Variants in MDN1 observed in about 807,000 individuals in gnomAD.
The protein encoded by MDN1 is midasin.
Under a neutral mutation model 669.2 loss-of-function variants are expected in MDN1, and 266 were observed. The observed-to-expected ratio is 0.40, with a 90% CI of 0.36 to 0.44. MDN1 has a LOEUF of 0.44. MDN1 is among the 20% of genes least tolerant of loss of function. The probability of loss-of-function intolerance (pLI) is 1.00; values close to 1 mark genes in which losing one functional copy is unlikely to be tolerated. For missense variants in MDN1, 5,940 were observed against 6,754.0 expected (o/e 0.88, Z 4.22); for synonymous variants, 2,385 against 2,457.1 (o/e 0.97, Z 0.87).
chr6:89,734,846 C>G (rs1206604078), intron 33 of MDN1, among the ~76,000 whole-genome samples: 1 of 151,396 alleles, frequency 6.6e-6, no homozygotes, highest in Non-Finnish European at 1.5e-5. Flanking sequence ...CTTATCTCCA[C>G]TTTTAGAATA....
chr6:89,661,808 A>G (rs896622493), intron 87 of MDN1, among the ~76,000 whole-genome samples: 2 of 152,166 alleles, frequency 1.3e-5, no homozygotes, highest in Non-Finnish European at 2.9e-5. Flanking sequence ...ATGTTACTTA[A>G]TCTCGAAGAA....
rs761471330 is a variant in MDN1, at chr6:89,655,907, C to G, written c.15347G>C (p.Arg5116Pro). ...NERSMGDHNE[R>P]VHKRLRTVDT... ...CACAGTCCTCAGCCTCTTGTGCACA[C>G]GCTCATTGTGATCACCCATGGAACG... The change falls in exon 92 of 102, where the codon CGT becomes CCT. Residue 5116 changes from arginine to proline, a missense_variant. Transcript: ENST00000369393. 1 of 1,614,140 alleles carries G rather than the reference C, an allele frequency of 6.2e-7. No homozygotes were observed. Among genetic ancestry groups the G allele is most frequent in the East Asian group, 2.2e-5 (1 of 44,888 alleles).
chr6:89,688,563 G>T lies in MDN1; in HGVS notation c.11259+10C>A, dbSNP rs778355408. The T allele has an allele frequency of 1.9e-6, 3 of 1,610,108 alleles. No homozygotes were observed. The highest frequency in any genetic ancestry group is 3.3e-5 in the Admixed American group (2 of 59,878). ...TACTGTGAGCACTCCTTCCTCAACA[G>T]CTGCCCTACCTGTTCAAGCGCTGGG... On this transcript the variant is annotated intron_variant, in intron 66 of 101. Transcript: ENST00000369393.
chr6:89,730,862 T>A lies in MDN1; in HGVS notation c.5004A>T (p.Leu1668=), dbSNP rs376605987. The part of the protein sequence containing the change: ...LLARKECLKF[L]IKRLAKIVRL... ...GTACTATCTTGGCAAGCCTCTTGAT[T>A]AGAAATTTCAGACATTCTTTTCGTG... is the stretch of plus-strand genomic sequence containing the variant. The change falls in exon 35 of 102, where the codon CTA becomes CTT. Residue 1668 remains leucine, a synonymous_variant. Coordinates refer to ENST00000369393, the MANE Select transcript of MDN1 (RefSeq NM_014611.3). 74 of 1,613,978 alleles carry A rather than the reference T, an allele frequency of 4.6e-5. No individual in the cohort carries two copies. The highest frequency in any genetic ancestry group is 3.3e-4 in the Middle Eastern group (2 of 6,084).
Position 89,645,090 on chromosome 6 carries a change from G to C in MDN1, c.16527C>G (p.Val5509=). The change falls in exon 101 of 102, where the codon GTC becomes GTG. Residue 5509 remains valine, a synonymous_variant. Coordinates refer to ENST00000369393, the MANE Select transcript of MDN1 (RefSeq NM_014611.3). Reference sequence around the variant, plus strand: ...TCCGGGCAGCCTGAACTGCTGCCAGGACTCTTTCTTTGCCCTCAAGGAAAA... The same window carrying C: ...TCCGGGCAGCCTGAACTGCTGCCAGCACTCTTTCTTTGCCCTCAAGGAAAA... ...RGLFLEGKER[V]LAAVQAARNA... is the part of the protein sequence containing the mutation. 1.2e-6 allele frequency: 2 copies of C among 1,612,394 alleles called. No individual in the cohort carries two copies. The highest frequency in any genetic ancestry group is 1.3e-5 in the African/African-American group (1 of 75,042).
rs1233742693 is a variant in MDN1, at chr6:89,643,880, A to C, written c.*125T>G. Reference sequence around the variant, plus strand: ...GCCAGAGAGCATTCTGTAGGCTGTAAGATCACGTTGTAAAATAAAAATATT... The same window carrying C: ...GCCAGAGAGCATTCTGTAGGCTGTACGATCACGTTGTAAAATAAAAATATT... On this transcript the variant is annotated 3_prime_UTR_variant, in exon 102 of 102. Transcript: ENST00000369393. 2.3e-6 allele frequency: 2 copies of C among 864,922 alleles called. No individual in the cohort carries two copies. Among genetic ancestry groups the C allele is most frequent in the East Asian group, 2.9e-5 (1 of 34,870 alleles). The allele number at this position is 864,922 out of a possible 1,614,324, so 53.6% of individuals were successfully genotyped here.
rs536237990 is a variant in MDN1, at chr6:89,760,554, T to C, written c.2460+1091A>G. ...CTGTTCATTGCACCACTATGCACAA[T>C]AGTCAAGATATAGAATCAACCTATG... On this transcript the variant is annotated intron_variant, in intron 17 of 101. Transcript: ENST00000369393. Among the ~76,000 whole-genome samples, 5 of 152,200 alleles carry C rather than the reference T, an allele frequency of 3.3e-5. No homozygotes were observed. In the South Asian group the frequency reaches 8.3e-4, roughly 25 times the overall value.
chr6:89,756,217 G>A (rs953570555), intron 20 of MDN1, 60 bp downstream of exon 20: 19 of 743,592 alleles, frequency 2.6e-5, no homozygotes, highest in Middle Eastern at 2.5e-4. Flanking sequence ...GTGTGTGCAC[G>A]AGTAGCACAT....
chr6:89,785,077 T>C lies in MDN1; in HGVS notation c.1384A>G (p.Thr462Ala), dbSNP rs773142380. Residue 462 changes from threonine to alanine, a missense_variant, in exon 9 of 102, where the codon ACT becomes GCT. By Grantham distance (58) the Thr-to-Ala change is moderately conservative (BLOSUM62 0). Around this residue, in one of 5 missense-constraint regions of MDN1, gnomAD observed 1,203 missense variants for 1,268.9 expected, o/e 0.95. Transcript: ENST00000369393. ...TTGGTCCAATATTTGTCTAGCAAAG[T>C]AGCATGACTGTTTAGCGGTCGATAC... Reference protein sequence around the residue: ...NWYRPLNSHATLLDKYWTKIH... With the variant: ...NWYRPLNSHAALLDKYWTKIH... 5 of 1,614,052 alleles carry C rather than the reference T, an allele frequency of 3.1e-6. No homozygotes were observed. The Admixed American group carries it at 5.0e-5, about 16-fold the overall frequency.
Position 89,662,846 on chromosome 6 carries a change from TTCC to T in MDN1, c.14355_14357del (p.Glu4786del), listed in dbSNP as rs575474661. 7,588 of 1,611,004 alleles carry T rather than the reference TTCC, an allele frequency of 4.7e-3. 24 individuals are homozygous for T. The highest frequency in any genetic ancestry group is 5.9e-3 in the Non-Finnish European group (6,893 of 1,177,090). On this transcript the variant is annotated inframe_deletion, in exon 86 of 102. Coordinates refer to ENST00000369393, the MANE Select transcript of MDN1 (RefSeq NM_014611.3). ...TTTTATTGTCTTCTTCCTCCTCATCTTCCTCCTCATCATCATCACCCCAAAGCC... is the reference window on the plus strand; with the variant it reads ...TTTTATTGTCTTCTTCCTCCTCATCTTCCTCATCATCATCACCCCAAAGCC...
chr6:89,645,226 A>AC, intron 100 of MDN1, 69 bp from the exon 101 acceptor site: 1 of 1,491,408 alleles, frequency 6.7e-7, no homozygotes, highest in East Asian at 2.3e-5. Context: ...ACAACTACCC[A>AC]AAGTAGGACA....
In MDN1 at chr6:89,771,756, T is replaced by C. The variant is rs1020232460; in HGVS notation, c.2084-135A>G. The C allele has an allele frequency of 2.6e-5, 18 of 701,222 alleles. No homozygotes were observed. In the Admixed American group the frequency reaches 5.0e-4, roughly 20 times the overall value. 43.4% of individuals were successfully genotyped at this position (701,222 alleles called of 1,614,324 possible). On this transcript the variant is annotated intron_variant, in intron 14 of 101. Coordinates refer to ENST00000369393, the MANE Select transcript of MDN1 (RefSeq NM_014611.3). ...CAGAGTCTTGTTCTGTCAACCAGGG[T>C]GGAGTGCAGTGGCCCAATCATGGCT...
Position 89,704,313 on chromosome 6 carries a change from G to A in MDN1, c.8148+1746C>T, listed in dbSNP as rs990178063. On this transcript the variant is annotated intron_variant, in intron 53 of 101. Transcript: ENST00000369393. ...GGAGAATTGCTTCAACCTAGGAGGC[G>A]GAGGTTGGCAATGAGCTGAGATCAC... Among the ~76,000 whole-genome samples the A allele has an allele frequency of 3.3e-5, 5 of 152,248 alleles. No individual in the cohort carries two copies. The East Asian group carries it at 7.7e-4, about 24-fold the overall frequency.
chr6:89,766,422 A>G (rs766791163), intron 15 of MDN1, among the ~76,000 whole-genome samples: 68 of 152,372 alleles, frequency 4.5e-4, no homozygotes, highest in Non-Finnish European at 5.7e-4. Flanking sequence ...AAGAATAAAC[A>G]AAACAAAATC....
At chr6:89,788,625 T>C (rs1819092285) in intron 7 of MDN1, among the ~76,000 whole-genome samples, 1 of 152,208 alleles carries the variant, frequency 6.6e-6, no homozygotes, top group African/African-American at 2.4e-5. Context: ...TTTGAACTTT[T>C]TCATAAGAGT....
chr6:89,696,167 A>G (rs562205638), intron 60 of MDN1, among the ~76,000 whole-genome samples, 175 bp from the exon 61 acceptor site: 1 of 152,278 alleles, frequency 6.6e-6, no homozygotes, highest in African/African-American at 2.4e-5. Context: ...CCTCTTGATC[A>G]CAATATGCTT....
At chr6:89,669,847 T>C (rs949462288) in intron 83 of MDN1, among the ~76,000 whole-genome samples, 12 of 151,908 alleles carry the variant, frequency 7.9e-5, no homozygotes, top group Non-Finnish European at 1.8e-4. Flanking sequence ...CTACAATCTC[T>C]ACAACCTCAG....
At chr6:89,736,129 A>G (rs2128316121) in intron 33 of MDN1, among the ~76,000 whole-genome samples, 1 of 152,290 alleles carries the variant, frequency 6.6e-6, no homozygotes, top group African/African-American at 2.4e-5. Flanking sequence ...TTCCTGATCT[A>G]TTTCTAGAAA....
rs183591005 is a variant in MDN1, at chr6:89,701,607, G to A, written c.8378C>T (p.Ala2793Val). ...NCLGSQTGGF[A>V]GIKKLQKFLG... ...GAACTTCTGCAACTTCTTTATACCA[G>A]CGAAGCCACCAGTCTGGCTCCCCAG... The change falls in exon 55 of 102, where the codon GCT becomes GTT. Residue 2793 changes from alanine to valine, a missense_variant. Physicochemically the swap from Ala to Val is moderately conservative, Grantham distance 64. Around this residue, in one of 5 missense-constraint regions of MDN1, gnomAD observed 2,292 missense variants for 2,638.3 expected, o/e 0.87. Transcript: ENST00000369393. 2.5e-6 allele frequency: 4 copies of A among 1,614,140 alleles called. No individual in the cohort carries two copies. The highest frequency in any genetic ancestry group is 3.4e-6 in the Non-Finnish European group (4 of 1,179,998).
Sources: gnomAD v4.1 joint callset for allele counts (sites outside exome capture counted in the v4.1 genomes callset) on GRCh38, gnomAD v4.1.1 for gene constraint, gnomAD v4.1.1 regional missense constraint, MANE v1.5 for transcripts, NCBI Gene and HGNC (gene_info 2026-07-23, HGNC 2026-07-21) for gene names.